DENND1B: variants seen among roughly 807,000 people sequenced by gnomAD.
DENND1B encodes the protein DENN domain-containing protein 1B.
A neutral mutation model predicts 90.1 loss-of-function variants in DENND1B; 59 were observed. The ratio of observed to expected loss-of-function variants is 0.65; its 90% CI spans 0.53 to 0.81. DENND1B has a LOEUF of 0.81. Ranked by LOEUF, DENND1B falls within the 40% of genes least tolerant of loss-of-function variation. DENND1B has a pLI of 0.00. For synonymous variants in DENND1B, 337 were observed against 324.6 expected, an observed-to-expected ratio of 1.04 and a Z score of -0.41; for missense variants, 862 against 912.6, an observed-to-expected ratio of 0.94 and a Z score of 0.71.
intron 6 of DENND1B, among the ~76,000 whole-genome samples, chr1:197,652,580 A>G (rs2125937626): frequency 6.6e-6 from 1 of 152,184 alleles, no homozygotes; most frequent in Non-Finnish European, 1.5e-5. Context: ...AATTATTATA[A>G]AATATACTAA....
intron 18 of DENND1B, among the ~76,000 whole-genome samples, chr1:197,544,948 GA>G (rs1304540244): frequency 1.6e-4 from 10 of 61,198 alleles, no homozygotes; most frequent in Admixed American, 5.7e-4. Context: ...GAAGGGAGAA[GA>G]GAGAAGGGAG....
At chr1:197,566,374 T>C (rs915602971) in intron 15 of DENND1B, among the ~76,000 whole-genome samples, 8 of 152,244 alleles carry the variant, frequency 5.3e-5, no homozygotes, top group Non-Finnish European at 8.8e-5. Context: ...GAGTTCATTG[T>C]AGATTCTGGA....
At chr1:197,617,321 C>T (rs1677742650) in intron 11 of DENND1B, among the ~76,000 whole-genome samples, 1 of 151,136 alleles carries the variant, frequency 6.6e-6, no homozygotes, top group Admixed American at 6.6e-5. Context: ...AATTCTGACA[C>T]CTGGGATACT....
chr1:197,702,912 A>T (rs1411570099), intron 3 of DENND1B, among the ~76,000 whole-genome samples: 1 of 152,184 alleles, frequency 6.6e-6, no homozygotes, highest in Non-Finnish European at 1.5e-5. Context: ...ACAACTGAGT[A>T]TATACTTTTG....
intron 4 of DENND1B, 140 bp from the exon 5 acceptor site, chr1:197,672,296 A>AGCTTC: frequency 9.7e-7 from 1 of 1,029,186 alleles, no homozygotes; most frequent in Non-Finnish European, 1.4e-6. Context: ...ACTATGTTCT[A>AGCTTC]AAACTAGAGG....
chr1:197,735,159 A>G (rs1485421565), intron 2 of DENND1B: 1 of 986,756 alleles, frequency 1.0e-6, no homozygotes, highest in East Asian at 1.1e-4. Context: ...AAGTTAACAG[A>G]AAGGTACAAA....
intron 2 of DENND1B, among the ~76,000 whole-genome samples, chr1:197,725,526 T>C (rs1469491448): frequency 6.6e-6 from 1 of 151,998 alleles, no homozygotes; most frequent in Non-Finnish European, 1.5e-5. Flanking sequence ...AAGCACTGTT[T>C]ACAATTAGCA....
At chr1:197,584,846 T>A (rs919584808) in intron 14 of DENND1B, among the ~76,000 whole-genome samples, 1 of 152,032 alleles carries the variant, frequency 6.6e-6, no homozygotes, top group Non-Finnish European at 1.5e-5. Context: ...TAACATTTTG[T>A]ATTTTCTGTA....
chr1:197,713,695 T>C (rs1465890462), intron 3 of DENND1B, among the ~76,000 whole-genome samples: 1 of 87,410 alleles, frequency 1.1e-5, no homozygotes, highest in African/African-American at 4.3e-5. Flanking sequence ...GTAACTAACC[T>C]GCACAATGTG....
At chr1:197,743,575 A>C (rs574836624) in intron 2 of DENND1B, among the ~76,000 whole-genome samples, 1 of 152,322 alleles carries the variant, frequency 6.6e-6, no homozygotes, top group African/African-American at 2.4e-5. Flanking sequence ...TCTTAAAATA[A>C]GGCAACAATT....
At chr1:197,690,014 A>T (rs753180263) in intron 3 of DENND1B, 3 of 156,678 alleles carry the variant, frequency 1.9e-5, no homozygotes, top group Non-Finnish European at 4.2e-5. Flanking sequence ...CCCCTACCTG[A>T]TGTCTACAAA....
chr1:197,766,787 A>ATTTTTAT (rs1330423555), intron 2 of DENND1B, among the ~76,000 whole-genome samples: 1 of 151,956 alleles, frequency 6.6e-6, no homozygotes, highest in Non-Finnish European at 1.5e-5. Flanking sequence ...GATCCAATTT[A>ATTTTTAT]TTTTTATTTT....
At chr1:197,512,786 C>A in intron 21 of DENND1B, 85 bp downstream of exon 21, 1 of 1,200,288 alleles carries the variant, frequency 8.3e-7, no homozygotes, top group South Asian at 1.3e-5. Context: ...TCTAAGAGTG[C>A]ATACTCTTTG....
chr1:197,719,312 T>C (rs970510355), intron 2 of DENND1B, among the ~76,000 whole-genome samples: 8 of 152,028 alleles, frequency 5.3e-5, no homozygotes, highest in Admixed American at 6.6e-5. Context: ...ATTCATGAGC[T>C]AGCAGAGAGC....
intron 11 of DENND1B, among the ~76,000 whole-genome samples, chr1:197,616,021 T>A (rs1361678734): frequency 1.3e-5 from 2 of 150,994 alleles, no homozygotes; most frequent in African/African-American, 4.8e-5. Flanking sequence ...ATATAATAAT[T>A]TCTAAATAAC....
At position 197,553,113 on chromosome 1, in the gene DENND1B, C is replaced by A; in HGVS notation, c.1150-1G>T. 3 of 1,520,010 alleles carry A rather than the reference C, an allele frequency of 2.0e-6. No individual in the cohort carries two copies. Among genetic ancestry groups the A allele is most frequent in the Non-Finnish European group, 2.6e-6 (3 of 1,140,470 alleles). 94.2% of individuals were successfully genotyped at this position (1,520,010 alleles called of 1,614,324 possible). A position where few individuals can be genotyped will look rare whatever the true frequency, so the allele number is the denominator to read the frequency against. On this transcript the variant is annotated splice_acceptor_variant, in intron 15 of 22. Transcript: ENST00000620048. LOFTEE classifies it high-confidence loss of function. Reference sequence around the variant, plus strand: ...GTTTTGCCAGTCGACCATCGATAAACTAGAATTAAAAAGTGTCAAATAAAA... The same window carrying A: ...GTTTTGCCAGTCGACCATCGATAAAATAGAATTAAAAAGTGTCAAATAAAA...
intron 10 of DENND1B, among the ~76,000 whole-genome samples, chr1:197,630,387 A>C (rs1160299290): frequency 6.6e-6 from 1 of 152,088 alleles, no homozygotes; most frequent in Non-Finnish European, 1.5e-5. Flanking sequence ...CTCACACGGC[A>C]GGAGGGACTG....
the DENND1B span, among the ~76,000 whole-genome samples, chr1:197,781,433 T>C: frequency 6.6e-6 from 1 of 152,358 alleles, no homozygotes; most frequent in South Asian, 2.1e-4. Context: ...ACTGAATTTA[T>C]TGAAGCTCTT....
chr1:197,529,125 T>C (rs1221277919), intron 20 of DENND1B, among the ~76,000 whole-genome samples: 1 of 150,014 alleles, frequency 6.7e-6, no homozygotes, highest in African/African-American at 2.5e-5. Flanking sequence ...CATTTTCTCA[T>C]GCTGTTTTTA....
Sources: gnomAD v4.1 joint callset for allele counts (sites outside exome capture counted in the v4.1 genomes callset) on GRCh38, gnomAD v4.1.1 for gene constraint, MANE v1.5 for transcripts, NCBI Gene and HGNC (gene_info 2026-07-23, HGNC 2026-07-21) for gene names.